The following SCN8A variants were observed in gnomAD, a reference collection of about 807,000 sequenced individuals.
SCN8A encodes sodium channel protein type 8 subunit alpha.
A neutral mutation model predicts 184.1 loss-of-function variants in SCN8A; 30 were observed. That is an observed-to-expected ratio of 0.16 (90% confidence interval 0.12 to 0.22). The LOEUF (loss-of-function observed/expected upper bound fraction) is 0.22. Among genes scored for constraint, SCN8A ranks in the 10% least tolerant of loss-of-function variants. SCN8A has a pLI of 1.00. For missense variants in SCN8A, 1,057 were observed against 2,498.9 expected (o/e 0.42, Z 12.30); for synonymous variants, 852 against 907.0 (o/e 0.94, Z 1.09).
intron 1 of SCN8A, among the ~76,000 whole-genome samples, chr12:51,651,207 TGTTTATGGCCAGTTTTGGGGCCA>T (rs1940706606): frequency 6.6e-6 from 1 of 152,152 alleles, no homozygotes; most frequent in Admixed American, 6.5e-5. Flanking sequence ...GCAGAGATTT[TGTTTATGGCCAGTTTTGGGGCCA>T]GTTTATGGCC....
chr12:51,808,768 G>A lies in SCN8A; in HGVS notation c.*1339G>A, dbSNP rs918773681. 3.3e-5 allele frequency: 5 copies of A among 152,102 alleles called. No homozygotes were observed. The highest frequency in any genetic ancestry group is 1.2e-4 in the African/African-American group (5 of 41,384). 9.4% of individuals were successfully genotyped at this position (152,102 alleles called of 1,614,324 possible). ...ATACCGCGAGGGGTTCAGATATTCT[G>A]AACTGACCTCTCTCTTCTGCAGAGG... On this transcript the variant is annotated 3_prime_UTR_variant, in exon 27 of 27. Coordinates refer to ENST00000627620, the MANE Select transcript of SCN8A (RefSeq NM_001330260.2).
intron 1 of SCN8A, among the ~76,000 whole-genome samples, chr12:51,639,787 A>G (rs1026812677): frequency 2.0e-5 from 3 of 148,724 alleles, no homozygotes; most frequent in Non-Finnish European, 1.5e-5. Context: ...TAGACCCTCC[A>G]CTAGCAAAAA....
At chr12:51,739,651 G>A (rs151295761) in intron 12 of SCN8A, among the ~76,000 whole-genome samples, 1,632 of 152,170 alleles carry the variant, frequency 0.011, 35 homozygotes, top group African/African-American at 0.037. Flanking sequence ...CTCACCATGG[G>A]GACTGCTTTA....
intron 14 of SCN8A, among the ~76,000 whole-genome samples, chr12:51,756,511 A>T (rs1392718059): frequency 2.0e-5 from 3 of 151,392 alleles, no homozygotes; most frequent in Admixed American, 2.0e-4. Context: ...TTAAGCTCTG[A>T]CTCTCTCTGC....
chr12:51,744,341 A>G (rs946491748), intron 12 of SCN8A, among the ~76,000 whole-genome samples: 1 of 152,292 alleles, frequency 6.6e-6, no homozygotes, highest in Middle Eastern at 3.4e-3. Flanking sequence ...CTGATGTTCT[A>G]TTCTGCAGCT....
intron 1 of SCN8A, among the ~76,000 whole-genome samples, chr12:51,645,641 C>A (rs554486259): frequency 6.6e-6 from 1 of 152,072 alleles, no homozygotes; most frequent in South Asian, 2.1e-4. Context: ...TCCTGTTGAT[C>A]GGTGACCTTA....
At chr12:51,778,540 C>T (rs1319546578) in intron 20 of SCN8A, among the ~76,000 whole-genome samples, 3 of 152,110 alleles carry the variant, frequency 2.0e-5, no homozygotes, top group African/African-American at 4.8e-5. Flanking sequence ...CCACCCACCT[C>T]GGCCACAACA....
At chr12:51,774,665 C>T (rs893686307) in intron 20 of SCN8A, among the ~76,000 whole-genome samples, 1 of 152,110 alleles carries the variant, frequency 6.6e-6, no homozygotes, top group South Asian at 2.1e-4. Context: ...TGTTATTAGG[C>T]TGGGGACAGG....
At chr12:51,643,125 A>G (rs1427365813) in intron 1 of SCN8A, among the ~76,000 whole-genome samples, 1 of 152,142 alleles carries the variant, frequency 6.6e-6, no homozygotes, top group Non-Finnish European at 1.5e-5. Flanking sequence ...GCAAAACTTC[A>G]TGCGAGCTGT....
At chr12:51,774,437 C>T (rs920814067) in intron 20 of SCN8A, 75 bp downstream of exon 20, 1 of 1,408,120 alleles carries the variant, frequency 7.1e-7, no homozygotes. Flanking sequence ...TTTCTAATGG[C>T]AGTAGCTGCC....
At chr12:51,747,699 G>A (rs1470603579) in intron 13 of SCN8A, among the ~76,000 whole-genome samples, 1 of 152,142 alleles carries the variant, frequency 6.6e-6, no homozygotes, top group Non-Finnish European at 1.5e-5. Flanking sequence ...GAGTGCTGGT[G>A]CTGCAGGGCT....
chr12:51,716,762 C>T (rs568290919), intron 11 of SCN8A, among the ~76,000 whole-genome samples: 4 of 152,134 alleles, frequency 2.6e-5, no homozygotes, highest in Non-Finnish European at 2.9e-5. Flanking sequence ...CCCAAGGCAC[C>T]GGTTATTAAC....
At chr12:51,671,608 A>G (rs1236504530) in intron 2 of SCN8A, among the ~76,000 whole-genome samples, 1 of 152,226 alleles carries the variant, frequency 6.6e-6, no homozygotes, top group Non-Finnish European at 1.5e-5. Context: ...ATGTTAAAGA[A>G]TGTTTCAAGA....
intron 16 of SCN8A, among the ~76,000 whole-genome samples, chr12:51,767,520 A>G (rs1202840893): frequency 6.6e-6 from 1 of 152,076 alleles, no homozygotes; most frequent in African/African-American, 2.4e-5. Flanking sequence ...TCTTCATAGT[A>G]TCTAAGATCT....
At chr12:51,685,730 T>C (rs1941408322) in intron 3 of SCN8A, among the ~76,000 whole-genome samples, 1 of 152,136 alleles carries the variant, frequency 6.6e-6, no homozygotes, top group Non-Finnish European at 1.5e-5. Context: ...CAAAGACAAT[T>C]CAGCCCTTTA....
rs1262333494 is a variant in SCN8A, at chr12:51,686,544, A to G, written c.485+87A>G. On this transcript the variant is annotated intron_variant, in intron 4 of 26. Coordinates refer to ENST00000627620, the MANE Select transcript of SCN8A (RefSeq NM_001330260.2). ...CTTTGCCACAGTTTACCCATCAAGGAGAAAAAAAATTAGTTATTGCCTCTC... is the reference window on the plus strand; with the variant it reads ...CTTTGCCACAGTTTACCCATCAAGGGGAAAAAAAATTAGTTATTGCCTCTC... 8.9e-6 allele frequency: 8 copies of G among 898,984 alleles called. No individual in the cohort carries two copies. The African/African-American group carries it at 1.4e-4, about 15-fold the overall frequency. 55.7% of individuals were successfully genotyped at this position (898,984 alleles called of 1,614,324 possible).
chr12:51,736,260 A>G lies in SCN8A; in HGVS notation c.1999-9643A>G, dbSNP rs1415846911. Among the ~76,000 whole-genome samples, 4 of 152,206 alleles carry G rather than the reference A, an allele frequency of 2.6e-5. No individual in the cohort carries two copies. In the East Asian group the frequency reaches 7.7e-4, roughly 29 times the overall value. On this transcript the variant is annotated intron_variant, in intron 12 of 26. Transcript: ENST00000627620. ...TGTTTTAATAGAAGCCCATCACCAC[A>G]AAACACTGCAAAAGGTGACATTTAA...
intron 15 of SCN8A, among the ~76,000 whole-genome samples, chr12:51,764,639 AT>A (rs1048105229): frequency 4.6e-5 from 7 of 152,034 alleles, no homozygotes; most frequent in African/African-American, 1.7e-4. Context: ...TGTCTCAAAA[AT>A]AAATAAATAA....
At chr12:51,664,238 C>T (rs569631667) in intron 2 of SCN8A, among the ~76,000 whole-genome samples, 20 of 149,980 alleles carry the variant, frequency 1.3e-4, no homozygotes, top group African/African-American at 2.0e-4. Flanking sequence ...GACAGAGTCT[C>T]GCACTGTTGC....
Sources: gnomAD v4.1 joint callset for allele counts (sites outside exome capture counted in the v4.1 genomes callset) on GRCh38, gnomAD v4.1.1 for gene constraint, MANE v1.5 for transcripts, NCBI Gene and HGNC (gene_info 2026-07-23, HGNC 2026-07-21) for gene names.